Variants in FHL2 observed in about 807,000 individuals in gnomAD.
FHL2 encodes four and a half LIM domains 2, also known as four and a half LIM domains protein 2.
Under a neutral mutation model 32.7 loss-of-function variants are expected in FHL2, and 20 were observed. That is an observed-to-expected ratio of 0.61 (90% CI 0.43 to 0.89). FHL2 has a LOEUF of 0.89. Among genes scored for constraint, FHL2 ranks in the 40% least tolerant of loss-of-function variants. The pLI is 0.00. For synonymous variants in FHL2, 123 were observed against 128.1 expected, an observed-to-expected ratio of 0.96 and a Z score of 0.27; for missense variants, 311 against 358.6, an observed-to-expected ratio of 0.87 and a Z score of 1.07.
intron 1 of FHL2, among the ~76,000 whole-genome samples, chr2:105,428,656 C>T (rs1684334435): frequency 1.3e-5 from 2 of 152,226 alleles, no homozygotes; most frequent in South Asian, 4.1e-4. Context: ...CCTTGCTAGG[C>T]TGGTTCCTGG....
chr2:105,363,059 G>C (rs970507016), intron 6 of FHL2: 1 of 533,928 alleles, frequency 1.9e-6, no homozygotes, highest in South Asian at 2.6e-5. Context: ...TGGAGCACTG[G>C]CCATATGGTT....
At position 105,418,528 on chromosome 2, in the gene FHL2, C is replaced by T. The variant is rs529672286; in HGVS notation, c.-25+19871G>A. Among the ~76,000 whole-genome samples, 8 of 152,278 alleles carry T rather than the reference C, an allele frequency of 5.3e-5. No homozygotes were observed. The South Asian group carries it at 1.7e-3, about 32-fold the overall frequency. ...CAAAAGACCAGGTACCACTAATTAT[C>T]CAGATATTTCAGTTGAGCTGATTTA... On this transcript the variant is annotated intron_variant, in intron 1 of 5. Coordinates refer to the FHL2 transcript ENST00000393352.
chr2:105,367,977 T>C (rs1463181100), intron 4 of FHL2, among the ~76,000 whole-genome samples: 1 of 152,244 alleles, frequency 6.6e-6, no homozygotes, highest in Admixed American at 6.5e-5. Context: ...TTTTAGGCAC[T>C]TAACATTTAT....
intron 1 of FHL2, among the ~76,000 whole-genome samples, chr2:105,414,324 G>A (rs1358227987): frequency 1.3e-5 from 2 of 152,062 alleles, no homozygotes; most frequent in Admixed American, 6.5e-5. Context: ...AGGCATGATT[G>A]ATTAGACCAT....
intron 3 of FHL2, among the ~76,000 whole-genome samples, chr2:105,383,083 G>C (rs1366317329): frequency 6.6e-6 from 1 of 152,052 alleles, no homozygotes; most frequent in Non-Finnish European, 1.5e-5. Flanking sequence ...ACGGGGTTTC[G>C]CCATGTTGGC....
At chr2:105,386,253 G>T (rs1008203615) in intron 3 of FHL2, 108 bp downstream of exon 3, 4 of 1,313,548 alleles carry the variant, frequency 3.0e-6, no homozygotes, top group Non-Finnish European at 1.1e-6. Flanking sequence ...CTCAGAGGGG[G>T]CTCAAGAGAC....
intron 1 of FHL2, among the ~76,000 whole-genome samples, chr2:105,438,199 G>C (rs114698375): frequency 0.019 from 2,955 of 152,238 alleles, 59 homozygotes; most frequent in South Asian, 0.047. Flanking sequence ...CTGTTCTTGG[G>C]CTCTGCCGTT....
intron 1 of FHL2, among the ~76,000 whole-genome samples, chr2:105,423,274 T>A (rs978710265): frequency 6.6e-6 from 1 of 152,224 alleles, no homozygotes; most frequent in Admixed American, 6.5e-5. Context: ...AGTTCGATTT[T>A]GAATTATTTG....
At chr2:105,412,687 G>A (rs1683829355) in intron 1 of FHL2, among the ~76,000 whole-genome samples, 1 of 152,196 alleles carries the variant, frequency 6.6e-6, no homozygotes, top group Admixed American at 6.5e-5. Flanking sequence ...AAGGTTTAGG[G>A]GGCAGCATCC....
chr2:105,377,320 A>G (rs531733570), intron 3 of FHL2, among the ~76,000 whole-genome samples: 1 of 152,330 alleles, frequency 6.6e-6, no homozygotes, highest in South Asian at 2.1e-4. Flanking sequence ...GTATTTTACC[A>G]TAATTAAAAG....
intron 2 of FHL2, among the ~76,000 whole-genome samples, chr2:105,395,696 T>C (rs1683075149): frequency 6.6e-6 from 1 of 152,230 alleles, no homozygotes; most frequent in African/African-American, 2.4e-5. Context: ...TATTTCCTTG[T>C]TGACTGACAA....
chr2:105,433,899 T>C (rs1237158820), intron 1 of FHL2, among the ~76,000 whole-genome samples: 1 of 152,220 alleles, frequency 6.6e-6, no homozygotes, highest in African/African-American at 2.4e-5. Flanking sequence ...TCTTACAGAA[T>C]GTTGAGTTTT....
Position 105,363,531 on chromosome 2 carries a change from C to T in FHL2, c.502-60G>A. 8 of 1,446,522 alleles carry T rather than the reference C, an allele frequency of 5.5e-6. No individual in the cohort carries two copies. The South Asian group carries it at 9.2e-5, about 17-fold the overall frequency. The allele number at this position is 1,446,522 out of a possible 1,614,324, so 89.6% of individuals were successfully genotyped here. Reference sequence around the variant, plus strand: ...TGTGCTTGGCAGACATCTTCAGTCTCAGCTACTGCCACTGGACGATGCAAG... The same window carrying T: ...TGTGCTTGGCAGACATCTTCAGTCTTAGCTACTGCCACTGGACGATGCAAG... On this transcript the variant is annotated intron_variant, in intron 5 of 6. Transcript: ENST00000530340.
Position 105,367,711 on chromosome 2 carries a change from G to T in FHL2, c.360C>A (p.Ser120Arg). ...AGATGAAGCAGGTCTCATGCCAGCTGCTGCCCTTGTACTCCATCTTGCGGG... is the reference window on the plus strand; with the variant it reads ...AGATGAAGCAGGTCTCATGCCAGCTTCTGCCCTTGTACTCCATCTTGCGGG... ...PGTRKMEYKG[S>R]SWHETCFICH... Residue 120 changes from serine to arginine, a missense_variant, in exon 5 of 7, where the codon AGC becomes AGA. Ser to Arg is a moderately radical substitution (Grantham distance 110). Coordinates refer to ENST00000530340, the MANE Select transcript of FHL2 (RefSeq NM_001318895.3). 1 of 1,614,166 alleles carries T rather than the reference G, an allele frequency of 6.2e-7. No homozygotes were observed. Among genetic ancestry groups the T allele is most frequent in the Non-Finnish European group, 8.5e-7 (1 of 1,180,002 alleles).
At chr2:105,402,102 T>A (rs187684452), upstream of FHL2, among the ~76,000 whole-genome samples, 94 of 149,066 alleles carry the variant, frequency 6.3e-4, 1 homozygote, top group East Asian at 0.016. Context: ...TACGTGTATA[T>A]ATACACGTAT....
At chr2:105,359,553 G>A (rs1198834903), downstream of FHL2, 1 of 152,110 alleles carries the variant, frequency 6.6e-6, no homozygotes, top group Non-Finnish European at 1.5e-5. Flanking sequence ...AGAAAACTAA[G>A]GACAAAAAGG....
chr2:105,379,987 C>T lies in FHL2; in HGVS notation c.157-6254G>A, dbSNP rs1438283082. 5.3e-5 allele frequency among the ~76,000 whole-genome samples: 8 copies of T among 152,162 alleles called. No individual in the cohort carries two copies. The South Asian group carries it at 8.3e-4, about 16-fold the overall frequency. On this transcript the variant is annotated intron_variant, in intron 3 of 6. Transcript: ENST00000530340. The stretch of plus-strand genomic sequence containing the variant: ...TTTCCCTGTCACTCTCTGAATGGGG[C>T]GCCCAGTTTGTGTTGTCTTTAGAAG...
At chr2:105,376,510 C>G (rs1402928622) in intron 3 of FHL2, 1 of 152,104 alleles carries the variant, frequency 6.6e-6, no homozygotes, top group African/African-American at 2.4e-5. Flanking sequence ...AGTAATCTGC[C>G]TAATTTAAGA....
intron 5 of FHL2, among the ~76,000 whole-genome samples, chr2:105,364,001 A>G (rs1199042008): frequency 6.6e-6 from 1 of 152,184 alleles, no homozygotes; most frequent in African/African-American, 2.4e-5. Flanking sequence ...TCACACCTGT[A>G]ATCTCAGGAC....
Sources: allele counts gnomAD v4.1 joint callset (sites outside exome capture counted in the v4.1 genomes callset), GRCh38; gene constraint gnomAD v4.1.1; transcripts MANE v1.5; gene names NCBI Gene and HGNC (gene_info 2026-07-23, HGNC 2026-07-21).